Variants in RGS9 observed in about 807,000 individuals in gnomAD.
The protein encoded by RGS9 is regulator of G-protein signalling 9.
RGS9 carries 78 observed loss-of-function variants against 102.0 expected under a neutral mutation model. The observed-to-expected ratio is 0.76, with a 90% CI of 0.64 to 0.92. The LOEUF is 0.92. RGS9 is among the 40% of genes least tolerant of loss of function. RGS9 has a pLI of 0.00. For missense variants in RGS9, 833 were observed against 866.1 expected, an observed-to-expected ratio of 0.96 and a Z score of 0.48; for synonymous variants, 353 against 318.6, an observed-to-expected ratio of 1.11 and a Z score of -1.15.
Position 65,202,456 on chromosome 17 carries a change from AGAGAGAGAGAGT to A in RGS9, c.1064+388_1064+399del, listed in dbSNP as rs137902226. ...GTGTGTGTGTGTGTGAGAGAGAGAG[AGAGAGAGAGAGT>A]GAGAGAGAGAGAGAAGAAGCAGCAA... On this transcript the variant is annotated intron_variant, in intron 14 of 18. Transcript: ENST00000262406. Among the ~76,000 whole-genome samples the A allele has an allele frequency of 4.7e-3, 658 of 140,356 alleles. 2 individuals carry two copies. Among genetic ancestry groups the A allele is most frequent in the African/African-American group, 0.012 (462 of 37,964 alleles). 92.1% of individuals were successfully genotyped at this position (140,356 alleles called of 152,430 possible).
intron 6 of RGS9, among the ~76,000 whole-genome samples, chr17:65,161,343 C>T (rs1356278608): frequency 6.6e-6 from 1 of 152,244 alleles, no homozygotes; most frequent in Non-Finnish European, 1.5e-5. Context: ...CCTCCACCTT[C>T]CAGGTTCAAG....
At chr17:65,195,217 G>T (rs1350551482) in intron 12 of RGS9, among the ~76,000 whole-genome samples, 2 of 152,178 alleles carry the variant, frequency 1.3e-5, no homozygotes, top group Non-Finnish European at 2.9e-5. Context: ...ATCTGGCCAG[G>T]AAGAGGGTTG....
Position 65,190,221 on chromosome 17 carries a change from C to A in RGS9, c.731C>A (p.Ser244Tyr). 1 of 1,613,456 alleles carries A rather than the reference C, an allele frequency of 6.2e-7. No homozygotes were observed. The stretch of plus-strand genomic sequence containing the variant: ...TTGATGAGGTCCACAGTGAAGTCTT[C>A]TGTGTCCCTGGGAGGGTATGTCCCT... ...QALMRSTVKS[S>Y]VSLGGIVKYS... is the part of the protein sequence containing the mutation. Residue 244 changes from serine to tyrosine, a missense_variant, in exon 11 of 19, where the codon TCT becomes TAT. By Grantham distance (144) the Ser-to-Tyr change is moderately radical. Around this residue, in one of 3 missense-constraint regions of RGS9, gnomAD observed 328 missense variants for 340.6 expected, o/e 0.96. Transcript: ENST00000262406.
At chr17:65,165,757 G>A (rs1321280025) in intron 7 of RGS9, among the ~76,000 whole-genome samples, 4 of 152,082 alleles carry the variant, frequency 2.6e-5, no homozygotes, top group African/African-American at 9.7e-5. Flanking sequence ...ACACAGATAA[G>A]ATCACCTCAA....
At chr17:65,140,975 G>T (rs889910576) in intron 1 of RGS9, among the ~76,000 whole-genome samples, 2 of 152,060 alleles carry the variant, frequency 1.3e-5, no homozygotes, top group Non-Finnish European at 2.9e-5. Flanking sequence ...GGATCCTCCT[G>T]TGCCCCTGCA....
At chr17:65,138,961 A>ACCCCGGCATCCCCTCCTCCATCCTAGCCT (rs1555610177) in intron 1 of RGS9, among the ~76,000 whole-genome samples, 1 of 70,428 alleles carries the variant, frequency 1.4e-5, no homozygotes, top group African/African-American at 7.8e-5. Flanking sequence ...CTCCCCAGCC[A>ACCCCGGCATCCCCTCCTCCATCCTAGCCT]CCCCTCCTCC....
At chr17:65,150,110 C>G (rs1436954696) in intron 1 of RGS9, among the ~76,000 whole-genome samples, 1 of 152,108 alleles carries the variant, frequency 6.6e-6, no homozygotes, top group Non-Finnish European at 1.5e-5. Context: ...TGTGGACAGA[C>G]TTGGTGTGAG....
At chr17:65,154,331 A>G (rs1176200055) in intron 2 of RGS9, among the ~76,000 whole-genome samples, 1 of 152,162 alleles carries the variant, frequency 6.6e-6, no homozygotes, top group Non-Finnish European at 1.5e-5. Context: ...TTTACTATCT[A>G]GCGCTCTACA....
chr17:65,197,065 C>A (rs938777085), intron 12 of RGS9, 61 bp from the exon 13 acceptor site: 1 of 1,236,146 alleles, frequency 8.1e-7, no homozygotes, highest in Non-Finnish European at 1.2e-6. Flanking sequence ...CTCACCCCAA[C>A]CCAGGCCACC....
chr17:65,210,721 G>T, intron 17 of RGS9, 116 bp downstream of exon 17: 1 of 1,536,760 alleles, frequency 6.5e-7, no homozygotes, highest in East Asian at 2.4e-5. Flanking sequence ...AGAAGGGTAG[G>T]GTCAGAGTCT....
intron 17 of RGS9, 62 bp from the exon 18 acceptor site, chr17:65,224,939 AG>A: frequency 3.7e-6 from 6 of 1,604,270 alleles, no homozygotes; most frequent in Non-Finnish European, 3.4e-6. Flanking sequence ...AGGACAGCCC[AG>A]GGGCCCTGCT....
At chr17:65,172,784 T>TG (rs1476831509) in intron 8 of RGS9, among the ~76,000 whole-genome samples, 2 of 152,032 alleles carry the variant, frequency 1.3e-5, no homozygotes, top group African/African-American at 4.8e-5. Context: ...TGCGTCCGGT[T>TG]GGGGGTCAGG....
chr17:65,207,209 G>A (rs1443495384), intron 15 of RGS9, among the ~76,000 whole-genome samples: 1 of 152,156 alleles, frequency 6.6e-6, no homozygotes, highest in Non-Finnish European at 1.5e-5. Context: ...CTTAGAAGTG[G>A]GCTCCATACT....
At chr17:65,182,588 T>C (rs1911925899) in intron 9 of RGS9, among the ~76,000 whole-genome samples, 1 of 152,240 alleles carries the variant, frequency 6.6e-6, no homozygotes, top group African/African-American at 2.4e-5. Context: ...TTTTTCTGCA[T>C]TTCCTGAAGT....
intron 1 of RGS9, among the ~76,000 whole-genome samples, chr17:65,145,151 C>T (rs372817890): frequency 1.5e-3 from 228 of 152,176 alleles, no homozygotes; most frequent in African/African-American, 4.7e-3. Flanking sequence ...AGTGCAATGG[C>T]GAGATCTTGG....
intron 14 of RGS9, among the ~76,000 whole-genome samples, chr17:65,202,807 C>A (rs904514770): frequency 1.3e-5 from 2 of 152,134 alleles, no homozygotes; most frequent in Admixed American, 6.5e-5. Context: ...GAAAGCCACA[C>A]TCCCCCTCCC....
At chr17:65,187,465 G>C (rs942276454) in intron 9 of RGS9, among the ~76,000 whole-genome samples, 5 of 152,200 alleles carry the variant, frequency 3.3e-5, no homozygotes, top group Admixed American at 6.5e-5. Context: ...GAAAAGCAAT[G>C]ATAGAAGAGC....
chr17:65,202,880 G>T (rs1282331079), intron 14 of RGS9, among the ~76,000 whole-genome samples: 4 of 152,150 alleles, frequency 2.6e-5, no homozygotes, highest in Non-Finnish European at 5.9e-5. Context: ...CATCTCTGTG[G>T]GTCCTTTCAT....
intron 13 of RGS9, among the ~76,000 whole-genome samples, 185 bp from the exon 14 acceptor site, chr17:65,201,808 C>G (rs750257524): frequency 1.6e-4 from 24 of 152,206 alleles, no homozygotes; most frequent in Non-Finnish European, 3.2e-4. Context: ...GATGTGGCTC[C>G]TTTCCCCAAG....
Sources: gnomAD v4.1 joint callset for allele counts (sites outside exome capture counted in the v4.1 genomes callset) on GRCh38, gnomAD v4.1.1 for gene constraint, gnomAD v4.1.1 regional missense constraint, MANE v1.5 for transcripts, NCBI Gene and HGNC (gene_info 2026-07-23, HGNC 2026-07-21) for gene names.